SYT2: variants seen among roughly 807,000 people sequenced by gnomAD.
The protein encoded by SYT2 is synaptotagmin-2.
Under a neutral mutation model 39.9 loss-of-function variants are expected in SYT2, and 15 were observed. The ratio of observed to expected loss-of-function variants is 0.38; its 90% CI spans 0.25 to 0.58. The LOEUF (loss-of-function observed/expected upper bound fraction) is 0.58, where lower values mean the gene tolerates loss of function less well. Ranked by LOEUF, SYT2 falls within the 20% of genes least tolerant of loss-of-function variation. SYT2 has a pLI of 0.70. For synonymous variants in SYT2, 181 were observed against 204.5 expected (o/e 0.89, Z 0.98); for missense variants, 389 against 530.3 (o/e 0.73, Z 2.62).
intron 1 of SYT2, among the ~76,000 whole-genome samples, chr1:202,613,067 C>CTTTTTTTTTTTTTTTTTTTTTTT (rs1690930669): frequency 8.2e-6 from 1 of 121,604 alleles, no homozygotes; most frequent in African/African-American, 2.9e-5. Flanking sequence ...ATTGGTTCTT[C>CTTTTTTTTTTTTTTTTTTTTTTT]CTTTTTTTTT....
intron 1 of SYT2, among the ~76,000 whole-genome samples, chr1:202,683,403 G>T (rs886534234): frequency 2.6e-5 from 4 of 152,150 alleles, no homozygotes; most frequent in African/African-American, 4.8e-5. Context: ...ACAACAGGGT[G>T]CATTTCACAA....
intron 1 of SYT2, among the ~76,000 whole-genome samples, chr1:202,631,513 G>C (rs373972969): frequency 1.3e-4 from 20 of 152,122 alleles, no homozygotes; most frequent in African/African-American, 4.3e-4. Context: ...AGTCCCCTGA[G>C]AGGAAAAAAA....
intron 1 of SYT2, among the ~76,000 whole-genome samples, chr1:202,706,286 C>T (rs1444367619): frequency 3.3e-5 from 5 of 152,110 alleles, no homozygotes; most frequent in South Asian, 2.1e-4. Context: ...ACCACCAAGA[C>T]GGTGAGGGCA....
At chr1:202,685,735 T>C (rs1376453238) in intron 1 of SYT2, among the ~76,000 whole-genome samples, 2 of 152,196 alleles carry the variant, frequency 1.3e-5, no homozygotes, top group Non-Finnish European at 2.9e-5. Context: ...CAATCCACAC[T>C]GAAGCATATT....
Position 202,628,332 on chromosome 1 carries a change from T to C in SYT2, c.-17-22543A>G, listed in dbSNP as rs1214559413. On this transcript the variant is annotated intron_variant, in intron 1 of 8. Coordinates refer to ENST00000367268, the MANE Select transcript of SYT2 (RefSeq NM_177402.5). This position sits in a 1 kb window ranked among gnomAD's most constrained non-coding sequence, Gnocchi z 4.2. Reference sequence around the variant, plus strand: ...CCACACCAGGACCTGGGAGAGGTCATGAGATGTCTGGGGAGCCCAGCCTGC... The same window carrying C: ...CCACACCAGGACCTGGGAGAGGTCACGAGATGTCTGGGGAGCCCAGCCTGC... Among the ~76,000 whole-genome samples the C allele has an allele frequency of 6.6e-6, 1 of 151,802 alleles. No homozygotes were observed. Among genetic ancestry groups the C allele is most frequent in the East Asian group, 1.9e-4 (1 of 5,174 alleles).
At chr1:202,639,366 G>T in intron 1 of SYT2, 4 of 272,524 alleles carry the variant, frequency 1.5e-5, no homozygotes, top group Non-Finnish European at 2.2e-5. Flanking sequence ...GCTTAACAGG[G>T]AGGAAGGAAA....
Position 202,601,353 on chromosome 1 carries a change from G to C in SYT2, c.801+537C>G, listed in dbSNP as rs1690498193. Among the ~76,000 whole-genome samples, 1 of 152,222 alleles carries C rather than the reference G, an allele frequency of 6.6e-6. No homozygotes were observed. Among genetic ancestry groups the C allele is most frequent in the Admixed American group, 6.5e-5 (1 of 15,288 alleles). On this transcript the variant is annotated intron_variant, in intron 6 of 8. Coordinates refer to ENST00000367268, the MANE Select transcript of SYT2 (RefSeq NM_177402.5). This position sits in a 1 kb window ranked among gnomAD's most constrained non-coding sequence, Gnocchi z 4.0. ...CTCCATCACTGCCTAGAGTGTGCCAGGTAGCAGGGCCCTGGCCAAGACAAA... is the reference window on the plus strand; with the variant it reads ...CTCCATCACTGCCTAGAGTGTGCCACGTAGCAGGGCCCTGGCCAAGACAAA...
At position 202,601,843 on chromosome 1, in the gene SYT2, C is replaced by A. The variant is rs1277672655; in HGVS notation, c.801+47G>T. The A allele has an allele frequency of 1.9e-6, 3 of 1,589,284 alleles. No individual in the cohort carries two copies. In the African/African-American group the frequency reaches 4.0e-5, roughly 21 times the overall value. ...ATCATGCCAAGAGGTGGAAGCCCAC[C>A]TGTACATTCGTCTTTCTGCCCAACC... On this transcript the variant is annotated intron_variant, in intron 6 of 8. Transcript: ENST00000367268. This position sits in a 1 kb window ranked among gnomAD's most constrained non-coding sequence, Gnocchi z 4.0.
chr1:202,636,642 C>A (rs1486703348), intron 1 of SYT2: 1 of 152,288 alleles, frequency 6.6e-6, no homozygotes, highest in Non-Finnish European at 1.5e-5. Context: ...CCTCGCCCCA[C>A]TCCCAGCTCT....
Position 202,604,499 on chromosome 1 carries a change from C to A in SYT2, c.301G>T (p.Gly101Cys). ...KKKNKKEKGK[G>C]MKNAMNMKDM... ...TTCATGTTCATGGCATTCTTCATGC[C>A]TTTGCCCTTCTCCTTCTTGTTCTTC... Residue 101 changes from glycine to cysteine, a missense_variant, in exon 3 of 9, where the codon GGC becomes TGC. Physicochemically the swap from Gly to Cys is radical, Grantham distance 159. Around this residue, in one of 4 missense-constraint regions of SYT2, gnomAD observed 280 missense variants for 335.6 expected, o/e 0.83. Transcript: ENST00000367268. The A allele has an allele frequency of 6.2e-7, 1 of 1,614,214 alleles. No homozygotes were observed. Among genetic ancestry groups the A allele is most frequent in the Non-Finnish European group, 8.5e-7 (1 of 1,180,046 alleles).
Position 202,701,012 on chromosome 1 carries a change from C to G in SYT2, c.-18+9246G>C, listed in dbSNP as rs115031668. On this transcript the variant is annotated intron_variant, in intron 1 of 8. Coordinates refer to ENST00000367268, the MANE Select transcript of SYT2 (RefSeq NM_177402.5). ...TCATTTATCATTTCGAAGATATTGG[C>G]TTGCCGAATTGTGAAGATCTTTCAA... 3.1e-3 allele frequency among the ~76,000 whole-genome samples: 471 copies of G among 152,298 alleles called. 2 individuals carry two copies. The highest frequency in any genetic ancestry group is 4.9e-3 in the Non-Finnish European group (330 of 68,028).
intron 1 of SYT2, among the ~76,000 whole-genome samples, chr1:202,617,687 G>A (rs769568881): frequency 3.2e-4 from 48 of 151,682 alleles, no homozygotes; most frequent in Non-Finnish European, 4.7e-4. Context: ...CCCTACCCCC[G>A]CATCAAGGCC....
At position 202,594,497 on chromosome 1, in the gene SYT2, T is replaced by A. The variant is rs1690223336; in HGVS notation, c.*2260A>T. ...GAAGAGTGAGTCTGGGGAGAGACCC[T>A]GAGAAAGCACCAAAATCCCATAACT... is the stretch of plus-strand genomic sequence containing the variant. On this transcript the variant is annotated 3_prime_UTR_variant, in exon 9 of 9. Transcript: ENST00000367268. 6.6e-6 allele frequency: 1 copy of A among 152,106 alleles called. No homozygotes were observed. The highest frequency in any genetic ancestry group is 6.5e-5 in the Admixed American group (1 of 15,280). 9.4% of individuals were successfully genotyped at this position (152,106 alleles called of 1,614,324 possible).
At chr1:202,617,354 A>C (rs192952094) in intron 1 of SYT2, among the ~76,000 whole-genome samples, 1 of 152,066 alleles carries the variant, frequency 6.6e-6, no homozygotes, top group African/African-American at 2.4e-5. Flanking sequence ...TGGTCATTTA[A>C]AAGTGTGTAG....
At position 202,605,295 on chromosome 1, in the gene SYT2, A is replaced by G. The variant is rs111904813; in HGVS notation, c.178+300T>C. ...CAAAGTATTATTGGCAAACTTGAAT[A>G]GTGACTTCTGTTTCATAATTTTTCA... On this transcript the variant is annotated intron_variant, in intron 2 of 8. Coordinates refer to ENST00000367268, the MANE Select transcript of SYT2 (RefSeq NM_177402.5). The G allele has an allele frequency of 0.043, 10,323 of 240,428 alleles. 328 individuals carry two copies. The highest frequency in any genetic ancestry group is 0.06 in the Non-Finnish European group (7,405 of 124,266). The allele number at this position is 240,428 out of a possible 1,614,324, so 14.9% of individuals were successfully genotyped here.
chr1:202,625,196 TAGG>T (rs1438167828), intron 1 of SYT2, among the ~76,000 whole-genome samples: 2 of 57,542 alleles, frequency 3.5e-5, no homozygotes, highest in Non-Finnish European at 6.9e-5. Context: ...TGGCATGTAG[TAGG>T]GTGTGTGTGT....
At chr1:202,670,941 C>T (rs1402904745) in intron 1 of SYT2, among the ~76,000 whole-genome samples, 1 of 152,240 alleles carries the variant, frequency 6.6e-6, no homozygotes, top group Admixed American at 6.5e-5. Flanking sequence ...TTCACCATCC[C>T]AAGGCCACCC....
chr1:202,623,932 C>T lies in SYT2; in HGVS notation c.-17-18143G>A, dbSNP rs1403610893. ...ATGTGAGGCACACAGCACCTTCCAG[C>T]ACAGTCCCGATATCTTTCATGCCAG... On this transcript the variant is annotated intron_variant, in intron 1 of 8. Coordinates refer to ENST00000367268, the MANE Select transcript of SYT2 (RefSeq NM_177402.5). The surrounding 1 kb of genome is among the most constrained non-coding windows in gnomAD (Gnocchi z 4.2). 6.6e-6 allele frequency among the ~76,000 whole-genome samples: 1 copy of T among 152,230 alleles called. No individual in the cohort carries two copies. The highest frequency in any genetic ancestry group is 2.4e-5 in the African/African-American group (1 of 41,454).
chr1:202,618,432 C>G (rs1177172158), intron 1 of SYT2, among the ~76,000 whole-genome samples: 12 of 116,388 alleles, frequency 1.0e-4, no homozygotes, highest in Non-Finnish European at 1.7e-4. Context: ...TGTGTGTGTA[C>G]AGCGAGACCC....
Sources: allele counts gnomAD v4.1 joint callset (sites outside exome capture counted in the v4.1 genomes callset), GRCh38; gene constraint gnomAD v4.1.1; regional missense constraint gnomAD v4.1.1; non-coding constraint Gnocchi (gnomAD v3.1); transcripts MANE v1.5; gene names NCBI Gene and HGNC (gene_info 2026-07-23, HGNC 2026-07-21).